Variants in HAUS6 observed in about 807,000 individuals in gnomAD.
HAUS6 encodes the protein HAUS augmin-like complex subunit 6.
HAUS6 carries 80 observed loss-of-function variants against 106.8 expected under a neutral mutation model. That is an observed-to-expected ratio of 0.75 (90% CI 0.63 to 0.90). The LOEUF (loss-of-function observed/expected upper bound fraction) is 0.90, where lower values mean the gene tolerates loss of function less well. HAUS6 is among the 40% of genes least tolerant of loss of function. The pLI is 0.00. For synonymous variants in HAUS6, 356 were observed against 379.1 expected (o/e 0.94, Z 0.71); for missense variants, 1,155 against 1,118.1 (o/e 1.03, Z -0.47).
At chr9:19,088,589 C>A (rs148916649) in intron 5 of HAUS6, among the ~76,000 whole-genome samples, 2 of 149,694 alleles carry the variant, frequency 1.3e-5, no homozygotes, top group Admixed American at 1.3e-4. Flanking sequence ...TAAAGTGGGC[C>A]GGGCACAGTG....
intron 12 of HAUS6, among the ~76,000 whole-genome samples, chr9:19,069,283 T>C (rs899704957): frequency 6.6e-6 from 1 of 152,148 alleles, no homozygotes; most frequent in Non-Finnish European, 1.5e-5. Context: ...ATAATCCCCA[T>C]GAAACTCAAT....
At chr9:19,099,030 A>G (rs1207063792) in intron 1 of HAUS6, among the ~76,000 whole-genome samples, 4 of 151,264 alleles carry the variant, frequency 2.6e-5, no homozygotes, top group Non-Finnish European at 4.4e-5. Context: ...AAAAAAAAAA[A>G]AAAAGAAAAA....
intron 1 of HAUS6, among the ~76,000 whole-genome samples, chr9:19,098,930 G>T (rs1428154076): frequency 6.7e-6 from 1 of 148,846 alleles, no homozygotes; most frequent in Non-Finnish European, 1.5e-5. Context: ...GCTGAGGCAG[G>T]AGAATCGCTT....
chr9:19,067,806 A>T (rs1056531100), intron 12 of HAUS6, among the ~76,000 whole-genome samples: 2 of 152,072 alleles, frequency 1.3e-5, no homozygotes, highest in African/African-American at 4.8e-5. Flanking sequence ...CTCCTGTCTC[A>T]GCCTCCCAAG....
At chr9:19,086,874 C>T (rs778556208) in intron 6 of HAUS6, 92 bp from the exon 7 acceptor site, 9 of 659,074 alleles carry the variant, frequency 1.4e-5, no homozygotes, top group Non-Finnish European at 2.4e-5. Context: ...ATCAACCCAC[C>T]AACAACCACC....
rs940432323 is a variant in HAUS6 at position 19,055,238 on chromosome 9, G to A, written c.*1105C>T. The A allele has an allele frequency of 1.4e-4, 21 of 152,174 alleles. No individual in the cohort carries two copies. The highest frequency in any genetic ancestry group is 1.8e-4 in the Non-Finnish European group (12 of 68,034). The allele number at this position is 152,174 out of a possible 1,614,324, so 9.4% of individuals were successfully genotyped here. On this transcript the variant is annotated 3_prime_UTR_variant, in exon 17 of 17. Transcript: ENST00000380502. ...AAGATTTTGATGGTAGTGAGATGGG[G>A]TCTACAAAGGGTATTGTAGGTACTA...
rs753926333 is a variant in HAUS6 at position 19,086,760 on chromosome 9, T to G, written c.673A>C (p.Ser225Arg). ...TTTTGAATTTTTTCTTCCATATTAC[T>G]GTGGTCATCATAGGGTTCCATTCTA... The part of the protein sequence containing the change: ...IKKMEPYDDH[S>R]NMEEKIQKVR... Residue 225 changes from serine to arginine, a missense_variant, in exon 7 of 17, where the codon AGT (serine) becomes CGT (arginine). Coordinates refer to ENST00000380502, the MANE Select transcript of HAUS6 (RefSeq NM_017645.5). 2 of 1,231,300 alleles carry G rather than the reference T, an allele frequency of 1.6e-6. No individual in the cohort carries two copies. The highest frequency in any genetic ancestry group is 2.4e-6 in the Non-Finnish European group (2 of 845,876). 76.3% of individuals were successfully genotyped at this position (1,231,300 alleles called of 1,614,324 possible). A position where few individuals can be genotyped will look rare whatever the true frequency, so the allele number is the denominator to read the frequency against.
chr9:19,098,048 C>T (rs914070542), intron 1 of HAUS6, among the ~76,000 whole-genome samples: 1 of 152,202 alleles, frequency 6.6e-6, no homozygotes, highest in South Asian at 2.1e-4. Flanking sequence ...TCTCTCAAAC[C>T]TGTTGTTTTT....
intron 14 of HAUS6, among the ~76,000 whole-genome samples, chr9:19,060,643 A>G (rs1029074352): frequency 2.0e-5 from 3 of 152,232 alleles, no homozygotes; most frequent in African/African-American, 7.2e-5. Flanking sequence ...TGACATCTCT[A>G]TTAAGAAACA....
At chr9:19,071,021 G>A (rs1836871862) in intron 11 of HAUS6, among the ~76,000 whole-genome samples, 1 of 152,216 alleles carries the variant, frequency 6.6e-6, no homozygotes, top group African/African-American at 2.4e-5. Context: ...CTGGATTACA[G>A]AAGATCTGAT....
At position 19,102,706 on chromosome 9, in the gene HAUS6, G is replaced by A. The variant is rs577732152; in HGVS notation, c.-55C>T. On this transcript the variant is annotated 5_prime_UTR_variant, in exon 1 of 17. Coordinates refer to ENST00000380502, the MANE Select transcript of HAUS6 (RefSeq NM_017645.5). ...AAGAAAGCGCAAGCCCAGGGGACTC[G>A]GAGGGCCCTCAAGATCCCTCCCTAC... 5.1e-6 allele frequency: 8 copies of A among 1,570,704 alleles called. No individual in the cohort carries two copies. In the African/African-American group the frequency reaches 9.5e-5, roughly 19 times the overall value.
At position 19,063,970 on chromosome 9, in the gene HAUS6, A is replaced by ATTTTT. The variant is rs34187338; in HGVS notation, c.1377-395_1377-391dup. Among the ~76,000 whole-genome samples the ATTTTT allele has an allele frequency of 3.2e-4, 44 of 135,826 alleles. 1 individual carries two copies. The highest frequency in any genetic ancestry group is 6.1e-4 in the East Asian group (3 of 4,900). 89.1% of individuals were successfully genotyped at this position (135,826 alleles called of 152,430 possible). The stretch of plus-strand genomic sequence containing the variant: ...TTCTTTGTAGCAGATCCTTTATTTT[A>ATTTTT]TTTTTTTTTTTTTTGAGACGGAGTT... On this transcript the variant is annotated intron_variant, in intron 12 of 16. Coordinates refer to ENST00000380502, the MANE Select transcript of HAUS6 (RefSeq NM_017645.5).
intron 2 of HAUS6, among the ~76,000 whole-genome samples, chr9:19,095,003 G>A (rs1238534926): frequency 6.6e-6 from 1 of 151,910 alleles, no homozygotes; most frequent in Non-Finnish European, 1.5e-5. Flanking sequence ...TGGATCCACT[G>A]GACTAGTGCA....
rs1376437859 is a variant in HAUS6, at chr9:19,070,226, C to G, written c.1369G>C (p.Ala457Pro). Residue 457 changes from alanine to proline, a missense_variant, in exon 12 of 17, where the codon GCC (alanine) becomes CCC (proline). Physicochemically the swap from Ala to Pro is conservative, Grantham distance 27 (BLOSUM62 -1). Around this residue, in one of 3 missense-constraint regions of HAUS6, gnomAD observed 761 missense variants for 690.0 expected, o/e 1.10. Transcript: ENST00000380502. ...SDTLGALHDL[A>P]NSPASFLSQS... is the part of the protein sequence containing the mutation. ...AAATCAAATTTGTTTTACCTGTTGG[C>G]TAGATCATGTAGCGCTCCCAAGGTA... The G allele has an allele frequency of 1.3e-6, 2 of 1,558,936 alleles. No individual in the cohort carries two copies. Among genetic ancestry groups the G allele is most frequent in the Non-Finnish European group, 1.8e-6 (2 of 1,131,804 alleles).
chr9:19,095,152 T>C (rs922339674), intron 2 of HAUS6, among the ~76,000 whole-genome samples: 2 of 151,716 alleles, frequency 1.3e-5, no homozygotes, highest in Non-Finnish European at 2.9e-5. Context: ...ATCCTTATCA[T>C]AACTGTGGGT....
intron 4 of HAUS6, among the ~76,000 whole-genome samples, chr9:19,091,406 T>C (rs1817744353): frequency 6.6e-6 from 1 of 152,180 alleles, no homozygotes; most frequent in South Asian, 2.1e-4. Flanking sequence ...TGGAATTGGT[T>C]TAAATCCAGA....
chr9:19,068,714 T>TA (rs372286420), intron 12 of HAUS6, among the ~76,000 whole-genome samples: 35,335 of 144,752 alleles, frequency 0.24, 5,471 homozygotes, highest in African/African-American at 0.46. Flanking sequence ...AAAAAACAAT[T>TA]AAAAAAAAAA....
chr9:19,088,686 G>A (rs934042453), intron 5 of HAUS6, among the ~76,000 whole-genome samples: 5 of 151,106 alleles, frequency 3.3e-5, no homozygotes, highest in African/African-American at 1.2e-4. Flanking sequence ...TGGTCAACAT[G>A]GCAAAACCCG....
intron 7 of HAUS6, among the ~76,000 whole-genome samples, chr9:19,085,469 CA>C (rs1837267368): frequency 6.6e-6 from 1 of 152,028 alleles, no homozygotes; most frequent in South Asian, 2.1e-4. Context: ...ATCAGATGAT[CA>C]ATACATTCAC....
Sources: allele counts gnomAD v4.1 joint callset (sites outside exome capture counted in the v4.1 genomes callset), GRCh38; gene constraint gnomAD v4.1.1; regional missense constraint gnomAD v4.1.1; transcripts MANE v1.5; gene names NCBI Gene and HGNC (gene_info 2026-07-23, HGNC 2026-07-21).